Variants in PLBD1 observed in about 807,000 individuals in gnomAD.
PLBD1 encodes the protein phospholipase B domain containing 1, also known as lysosomal leucine aminopeptidase.
Under a neutral mutation model 63.0 loss-of-function variants are expected in PLBD1, and 60 were observed. That is an observed-to-expected ratio of 0.95 (90% CI 0.77 to 1.18). PLBD1 has a LOEUF of 1.18. Ranked by LOEUF, PLBD1 falls within the 50% of genes most tolerant of loss-of-function variation. The pLI is 0.00. For synonymous variants in PLBD1, 262 were observed against 248.0 expected (o/e 1.06, Z -0.53); for missense variants, 598 against 677.9 (o/e 0.88, Z 1.31).
At chr12:14,510,164 G>A (rs568630192) in intron 8 of PLBD1, among the ~76,000 whole-genome samples, 8 of 152,220 alleles carry the variant, frequency 5.3e-5, no homozygotes, top group African/African-American at 1.7e-4. Flanking sequence ...TTGGAAGGCC[G>A]ACGCAGACAG....
chr12:14,514,080 CAACT>C (rs1402093724), intron 6 of PLBD1, among the ~76,000 whole-genome samples: 4 of 152,026 alleles, frequency 2.6e-5, no homozygotes, highest in Non-Finnish European at 5.9e-5. Context: ...TGCCCGGCCC[CAACT>C]AACTCTTAAT....
chr12:14,553,680 C>T (rs945734240), intron 1 of PLBD1: 1 of 511,708 alleles, frequency 2.0e-6, no homozygotes, highest in Non-Finnish European at 3.5e-6. Context: ...GTGTTTCATC[C>T]TTAGAGGGTG....
At chr12:14,523,541 A>G (rs188616344) in intron 6 of PLBD1, among the ~76,000 whole-genome samples, 24 of 152,352 alleles carry the variant, frequency 1.6e-4, no homozygotes, top group African/African-American at 5.3e-4. Flanking sequence ...AGCAAAAAGA[A>G]CAAAGCTGGA....
chr12:14,567,821 A>C lies in PLBD1; in HGVS notation c.-125T>G, dbSNP rs1945807937. Reference sequence around the variant, plus strand: ...GCCTCTCCGAGGTGGGGCGTCCTCAACTTTCCTCTTTCTTGAGCCCGGCCT... The same window carrying C: ...GCCTCTCCGAGGTGGGGCGTCCTCACCTTTCCTCTTTCTTGAGCCCGGCCT... On this transcript the variant is annotated 5_prime_UTR_variant, in exon 1 of 11. Transcript: ENST00000240617. 2 of 1,272,044 alleles carry C rather than the reference A, an allele frequency of 1.6e-6. No individual in the cohort carries two copies. The highest frequency in any genetic ancestry group is 1.9e-5 in the South Asian group (1 of 52,030). The allele number at this position is 1,272,044 out of a possible 1,614,324, so 78.8% of individuals were successfully genotyped here.
At chr12:14,556,437 T>G (rs1012480507) in intron 1 of PLBD1, among the ~76,000 whole-genome samples, 2 of 151,902 alleles carry the variant, frequency 1.3e-5, no homozygotes, top group Non-Finnish European at 2.9e-5. Context: ...TGGCAAGATC[T>G]CAGCTCACCG....
At chr12:14,559,551 G>A (rs1945730654) in intron 1 of PLBD1, among the ~76,000 whole-genome samples, 1 of 152,080 alleles carries the variant, frequency 6.6e-6, no homozygotes. Flanking sequence ...TTACTAAATG[G>A]CTCGGAATCT....
Position 14,506,225 on chromosome 12 carries a change from G to A in PLBD1, c.1416C>T (p.Thr472=). The part of the protein sequence containing the change: ...DPYSRGDPCN[T]ICCREDLNSP... ...AGTTCAGGTCCTCACGGCAGCAGAT[G>A]GTATTACAGGGGTCACCTCTACTGT... Residue 472 remains threonine, a synonymous_variant, in exon 10 of 11, where the codon ACC becomes ACT. Transcript: ENST00000240617. 6.2e-7 allele frequency: 1 copy of A among 1,612,966 alleles called. No homozygotes were observed. The highest frequency in any genetic ancestry group is 2.2e-5 in the East Asian group (1 of 44,850).
chr12:14,553,164 A>T (rs933000617), intron 2 of PLBD1, 29 bp downstream of exon 2: 2 of 1,574,932 alleles, frequency 1.3e-6, no homozygotes, highest in African/African-American at 1.3e-5. Flanking sequence ...GTTGCCTGGC[A>T]GTGGCTCTAC....
intron 2 of PLBD1, among the ~76,000 whole-genome samples, 175 bp downstream of exon 2, chr12:14,553,016 CTG>C (rs1416754873): frequency 1.3e-5 from 2 of 152,228 alleles, no homozygotes; most frequent in African/African-American, 4.8e-5. Context: ...CAAAGCGAGA[CTG>C]TGTCCCATGC....
chr12:14,517,221 A>G (rs546512390), intron 6 of PLBD1, among the ~76,000 whole-genome samples: 3 of 152,262 alleles, frequency 2.0e-5, no homozygotes, highest in South Asian at 2.1e-4. Flanking sequence ...ATCAAGGCTC[A>G]AGGCAGCTTC....
chr12:14,520,982 A>G (rs1309527922), intron 6 of PLBD1, among the ~76,000 whole-genome samples: 1 of 152,126 alleles, frequency 6.6e-6, no homozygotes, highest in Non-Finnish European at 1.5e-5. Context: ...CTATCTTGAG[A>G]CCGGTGCCAC....
At chr12:14,530,807 AT>A (rs1945453398) in intron 6 of PLBD1, among the ~76,000 whole-genome samples, 1 of 152,274 alleles carries the variant, frequency 6.6e-6, no homozygotes, top group South Asian at 2.1e-4. Flanking sequence ...ATTAATTTGC[AT>A]TGCCAAAATA....
chr12:14,541,052 T>A (rs1165947329), intron 3 of PLBD1, 150 bp from the exon 4 acceptor site: 1 of 819,850 alleles, frequency 1.2e-6, no homozygotes, highest in African/African-American at 1.7e-5. Flanking sequence ...CTCAAAGGAC[T>A]TCAGGGCAAA....
At chr12:14,522,642 C>G (rs943216633) in intron 6 of PLBD1, among the ~76,000 whole-genome samples, 1 of 152,052 alleles carries the variant, frequency 6.6e-6, no homozygotes, top group African/African-American at 2.4e-5. Context: ...TTCAACAGCA[C>G]ATTAAGAAAA....
At position 14,562,416 on chromosome 12, in the gene PLBD1, C is replaced by A. The variant is rs553643570; in HGVS notation, c.115+5166G>T. ...TGGAGGTCACAGTGAGTTGAGATTG[C>A]AGCACTGCGGTCCAGCCTGAGTGAC... is the stretch of plus-strand genomic sequence containing the variant. On this transcript the variant is annotated intron_variant, in intron 1 of 10. Coordinates refer to ENST00000240617, the MANE Select transcript of PLBD1 (RefSeq NM_024829.6). Among the ~76,000 whole-genome samples, 17 of 132,494 alleles carry A rather than the reference C, an allele frequency of 1.3e-4. No individual in the cohort carries two copies. The South Asian group carries it at 3.9e-3, about 30-fold the overall frequency. The allele number at this position is 132,494 out of a possible 152,430, so 86.9% of individuals were successfully genotyped here.
intron 2 of PLBD1, among the ~76,000 whole-genome samples, chr12:14,550,863 A>G (rs1945653163): frequency 6.7e-6 from 1 of 148,646 alleles, no homozygotes; most frequent in Non-Finnish European, 1.5e-5. Flanking sequence ...GGGCAGCAAG[A>G]GTGAAACTCC....
chr12:14,539,689 G>A (rs938429467), intron 4 of PLBD1, among the ~76,000 whole-genome samples: 1 of 151,366 alleles, frequency 6.6e-6, no homozygotes, highest in African/African-American at 2.4e-5. Flanking sequence ...GGGAGGATGA[G>A]GCAGGAGAAT....
At chr12:14,557,931 G>A (rs927698338) in intron 1 of PLBD1, among the ~76,000 whole-genome samples, 3 of 151,300 alleles carry the variant, frequency 2.0e-5, no homozygotes, top group African/African-American at 7.3e-5. Context: ...ACTTGCATAC[G>A]TATGTTCATT....
intron 6 of PLBD1, among the ~76,000 whole-genome samples, chr12:14,521,884 G>A (rs1945379722): frequency 6.6e-6 from 1 of 151,814 alleles, no homozygotes; most frequent in Admixed American, 6.6e-5. Context: ...AGATAATATA[G>A]ATAGGCAATT....
Sources: gnomAD v4.1 joint callset for allele counts (sites outside exome capture counted in the v4.1 genomes callset) on GRCh38, gnomAD v4.1.1 for gene constraint, MANE v1.5 for transcripts, NCBI Gene and HGNC (gene_info 2026-07-23, HGNC 2026-07-21) for gene names.